RIMS1: variants seen among roughly 807,000 people sequenced by gnomAD.
RIMS1 encodes regulating synaptic membrane exocytosis protein 1.
In RIMS1, 83 loss-of-function variants were observed where a neutral mutation model predicts 214.1. The observed-to-expected ratio is 0.39, with a 90% confidence interval of 0.32 to 0.47. RIMS1 has a LOEUF of 0.47. Among genes scored for constraint, RIMS1 ranks in the 20% least tolerant of loss-of-function variants. The probability of loss-of-function intolerance (pLI) is 0.99; values close to 1 mark genes in which losing one functional copy is unlikely to be tolerated. For synonymous variants in RIMS1, 793 were observed against 786.8 expected, an observed-to-expected ratio of 1.01 and a Z score of -0.13; for missense variants, 2,050 against 2,161.8, an observed-to-expected ratio of 0.95 and a Z score of 1.03.
intron 29 of RIMS1, among the ~76,000 whole-genome samples, chr6:72,334,419 A>G (rs1008622424): frequency 2.0e-5 from 3 of 151,906 alleles, no homozygotes; most frequent in African/African-American, 4.8e-5. Context: ...TCTGCTGCTT[A>G]TAAATTTAAA....
intron 4 of RIMS1, among the ~76,000 whole-genome samples, chr6:72,143,845 C>G (rs982698630): frequency 6.6e-5 from 10 of 152,194 alleles, no homozygotes; most frequent in Admixed American, 5.9e-4. Context: ...TGACACATTA[C>G]TGCATAAAGC....
intron 6 of RIMS1, among the ~76,000 whole-genome samples, chr6:72,194,104 A>T (rs1011906908): frequency 1.4e-4 from 22 of 152,310 alleles, no homozygotes; most frequent in Non-Finnish European, 1.2e-4. Context: ...ACACAAACAA[A>T]TGGAGAAACA....
At chr6:71,919,473 C>A (rs959030705) in intron 1 of RIMS1, among the ~76,000 whole-genome samples, 2 of 123,150 alleles carry the variant, frequency 1.6e-5, no homozygotes, top group Admixed American at 1.5e-4. Flanking sequence ...TGCCAGCTGG[C>A]AGTTTGAAAT....
chr6:72,176,368 T>A (rs941146429), intron 4 of RIMS1, among the ~76,000 whole-genome samples: 2 of 152,218 alleles, frequency 1.3e-5, no homozygotes, highest in Non-Finnish European at 2.9e-5. Flanking sequence ...TAATACTTAA[T>A]ACTGACTTCA....
chr6:72,398,217 CT>C (rs1370174321), intron 31 of RIMS1, 31 bp from the exon 32 acceptor site: 1 of 1,397,012 alleles, frequency 7.2e-7, no homozygotes, highest in East Asian at 2.4e-5. Flanking sequence ...TGCAAAGAAG[CT>C]GAAACACATC....
intron 4 of RIMS1, among the ~76,000 whole-genome samples, chr6:72,112,096 A>G (rs1587274767): frequency 6.6e-6 from 1 of 152,280 alleles, no homozygotes; most frequent in East Asian, 1.9e-4. Context: ...ACTGTAGCAA[A>G]TGACTAACAC....
At chr6:72,287,438 G>A (rs1461191200) in intron 24 of RIMS1, among the ~76,000 whole-genome samples, 2 of 152,178 alleles carry the variant, frequency 1.3e-5, no homozygotes, top group Non-Finnish European at 2.9e-5. Flanking sequence ...TTTTTATTGA[G>A]AAGTATGTTT....
At chr6:72,195,342 T>C (rs1474174917) in intron 6 of RIMS1, among the ~76,000 whole-genome samples, 1 of 152,152 alleles carries the variant, frequency 6.6e-6, no homozygotes, top group Non-Finnish European at 1.5e-5. Context: ...AGTTGGTTGG[T>C]TTATAGCTGT....
In RIMS1 at chr6:72,398,230, TG is replaced by T; in HGVS notation, c.4619-18del. On this transcript the variant is annotated intron_variant, in intron 31 of 33. Coordinates refer to ENST00000521978, the MANE Select transcript of RIMS1 (RefSeq NM_014989.7). ...ACTGCAAAGAAGCTGAAACACATCT[TG>T]CTCCTTTCCATTTGCAGGTGATATA... The T allele has an allele frequency of 6.7e-7, 1 of 1,499,010 alleles. No homozygotes were observed. The highest frequency in any genetic ancestry group is 9.2e-7 in the Non-Finnish European group (1 of 1,084,592). 92.9% of individuals were successfully genotyped at this position (1,499,010 alleles called of 1,614,324 possible).
intron 2 of RIMS1, among the ~76,000 whole-genome samples, chr6:71,989,811 G>A (rs1412520730): frequency 1.3e-5 from 2 of 152,116 alleles, no homozygotes; most frequent in Admixed American, 6.5e-5. Context: ...TGTCAAACTC[G>A]AAATAAGATG....
At chr6:72,013,972 A>T (rs1811806581) in intron 2 of RIMS1, among the ~76,000 whole-genome samples, 1 of 152,216 alleles carries the variant, frequency 6.6e-6, no homozygotes, top group South Asian at 2.1e-4. Flanking sequence ...CATAAATGGA[A>T]TCACACAATA....
intron 8 of RIMS1, 125 bp downstream of exon 8, chr6:72,235,853 A>G (rs1562896891): frequency 2.4e-6 from 1 of 419,856 alleles, no homozygotes; most frequent in East Asian, 3.7e-5. Context: ...TTGATATAGC[A>G]TATAGATATG....
At chr6:72,324,383 G>A (rs1283994725) in intron 28 of RIMS1, among the ~76,000 whole-genome samples, 1 of 151,934 alleles carries the variant, frequency 6.6e-6, no homozygotes, top group East Asian at 1.9e-4. Flanking sequence ...GTAAGTCAAA[G>A]TGCATATTTT....
chr6:72,346,184 C>A (rs1326735562), intron 29 of RIMS1, among the ~76,000 whole-genome samples: 1 of 151,604 alleles, frequency 6.6e-6, no homozygotes, highest in East Asian at 1.9e-4. Context: ...GACAAGGGAT[C>A]AGTAATAATA....
chr6:71,932,942 T>A (rs1048528471), intron 1 of RIMS1, among the ~76,000 whole-genome samples: 6 of 152,194 alleles, frequency 3.9e-5, no homozygotes. Flanking sequence ...AAATACATTT[T>A]ACTGAGCACA....
At chr6:72,197,359 C>T (rs1399572898) in intron 6 of RIMS1, among the ~76,000 whole-genome samples, 1 of 152,016 alleles carries the variant, frequency 6.6e-6, no homozygotes, top group South Asian at 2.1e-4. Context: ...AACCAAGACA[C>T]ATTGACCCTG....
rs926666219 is a variant in RIMS1 at position 72,262,158 on chromosome 6, C to T, written c.3116+1391C>T. 16 of 975,642 alleles carry T rather than the reference C, an allele frequency of 1.6e-5. No homozygotes were observed. In the African/African-American group the frequency reaches 2.6e-4, roughly 16 times the overall value. The allele number at this position is 975,642 out of a possible 1,614,324, so 60.4% of individuals were successfully genotyped here. On this transcript the variant is annotated intron_variant, in intron 19 of 33. Coordinates refer to ENST00000521978, the MANE Select transcript of RIMS1 (RefSeq NM_014989.7). ...TTTCTAGGATACTCACACCAGTGGT[C>T]TAAATATAATAACTAAAAATATTTT...
At chr6:71,956,603 T>C (rs1338017757) in intron 1 of RIMS1, among the ~76,000 whole-genome samples, 1 of 152,166 alleles carries the variant, frequency 6.6e-6, no homozygotes, top group African/African-American at 2.4e-5. Context: ...TCACCACTAT[T>C]TTACAGTAAA....
chr6:71,893,163 A>AG (rs1770495914), intron 1 of RIMS1, among the ~76,000 whole-genome samples: 1 of 152,214 alleles, frequency 6.6e-6, no homozygotes, highest in South Asian at 2.1e-4. Flanking sequence ...GGGCTTGGGA[A>AG]GATGAGCTCT....
Sources: gnomAD v4.1 joint callset for allele counts (sites outside exome capture counted in the v4.1 genomes callset) on GRCh38, gnomAD v4.1.1 for gene constraint, MANE v1.5 for transcripts, NCBI Gene and HGNC (gene_info 2026-07-23, HGNC 2026-07-21) for gene names.